RANBP9: variants seen among roughly 807,000 people sequenced by gnomAD.
RANBP9 encodes RAN binding protein 9.
A neutral mutation model predicts 84.3 loss-of-function variants in RANBP9; 15 were observed. The ratio of observed to expected loss-of-function variants is 0.18; its 90% CI spans 0.12 to 0.27. RANBP9 has a LOEUF of 0.27. Among genes scored for constraint, RANBP9 ranks in the 10% least tolerant of loss-of-function variants. The pLI, the probability that RANBP9 is intolerant of heterozygous loss-of-function variation, is 1.00. For synonymous variants in RANBP9, 392 were observed against 349.6 expected (o/e 1.12, Z -1.35); for missense variants, 809 against 912.8 (o/e 0.89, Z 1.46).
At chr6:13,696,714 A>C (rs777642051) in intron 2 of RANBP9, 71 bp downstream of exon 2, 1 of 1,286,446 alleles carries the variant, frequency 7.8e-7, no homozygotes, top group Non-Finnish European at 1.1e-6. Flanking sequence ...CAACTTTCCA[A>C]TTACATCATA....
At chr6:13,663,611 A>G (rs981031789) in intron 2 of RANBP9, among the ~76,000 whole-genome samples, 6 of 152,068 alleles carry the variant, frequency 3.9e-5, no homozygotes, top group Non-Finnish European at 8.8e-5. Flanking sequence ...ACAGGTTATG[A>G]AAAAAGATAC....
intron 10 of RANBP9, 84 bp downstream of exon 10, chr6:13,637,724 T>TTCAA (rs1764973719): frequency 1.5e-6 from 2 of 1,340,862 alleles, no homozygotes; most frequent in East Asian, 5.0e-5. Flanking sequence ...GGTCACATAA[T>TTCAA]TCAAGTTCTT....
intron 12 of RANBP9, 26 bp downstream of exon 12, chr6:13,632,344 A>T (rs1764812147): frequency 1.9e-6 from 3 of 1,602,584 alleles, no homozygotes; most frequent in Admixed American, 1.7e-5. Context: ...ACATATTCAT[A>T]ATTTTTCAAG....
At chr6:13,683,458 A>G (rs1413602318) in intron 2 of RANBP9, among the ~76,000 whole-genome samples, 1 of 152,158 alleles carries the variant, frequency 6.6e-6, no homozygotes, top group Non-Finnish European at 1.5e-5. Context: ...TTCTTCCTGA[A>G]TTTTCAATTA....
chr6:13,661,862 T>C (rs1457672681), intron 2 of RANBP9, among the ~76,000 whole-genome samples: 2 of 152,244 alleles, frequency 1.3e-5, no homozygotes, highest in East Asian at 1.9e-4. Flanking sequence ...AAATGGCAAT[T>C]AGACTGACTT....
At chr6:13,678,605 A>G (rs1765953036) in intron 2 of RANBP9, among the ~76,000 whole-genome samples, 1 of 152,134 alleles carries the variant, frequency 6.6e-6, no homozygotes, top group Non-Finnish European at 1.5e-5. Context: ...CTACAGCTCA[A>G]AGCCTGGAGG....
chr6:13,700,022 C>A (rs558803496), intron 1 of RANBP9, among the ~76,000 whole-genome samples: 9 of 152,256 alleles, frequency 5.9e-5, no homozygotes, highest in Admixed American at 2.0e-4. Context: ...AACCAAAAAA[C>A]AACCTCATAC....
intron 2 of RANBP9, among the ~76,000 whole-genome samples, chr6:13,685,760 T>C (rs1227323003): frequency 6.6e-6 from 1 of 151,910 alleles, no homozygotes; most frequent in East Asian, 1.9e-4. Context: ...AAACCCTGTC[T>C]CTACTGAAAA....
At chr6:13,659,858 T>C (rs1311009458) in intron 2 of RANBP9, among the ~76,000 whole-genome samples, 1 of 152,188 alleles carries the variant, frequency 6.6e-6, no homozygotes, top group Non-Finnish European at 1.5e-5. Context: ...GAGATGCCTA[T>C]AATTGTTAAA....
intron 1 of RANBP9, among the ~76,000 whole-genome samples, chr6:13,705,657 C>G (rs1208200160): frequency 6.6e-6 from 1 of 150,596 alleles, no homozygotes; most frequent in South Asian, 2.1e-4. Context: ...GTCAGGAGAT[C>G]AAGACCATCC....
chr6:13,655,056 G>A (rs1765369182), intron 4 of RANBP9, among the ~76,000 whole-genome samples: 1 of 152,248 alleles, frequency 6.6e-6, no homozygotes, highest in African/African-American at 2.4e-5. Flanking sequence ...CATAGGCCGG[G>A]AGTCAATCCC....
At chr6:13,634,983 C>T (rs1562298532) in intron 10 of RANBP9, among the ~76,000 whole-genome samples, 1 of 152,184 alleles carries the variant, frequency 6.6e-6, no homozygotes, top group African/African-American at 2.4e-5. Context: ...ACAAATACAT[C>T]TCACTCCTGG....
intron 12 of RANBP9, among the ~76,000 whole-genome samples, chr6:13,627,699 C>T (rs1764654855): frequency 6.6e-6 from 1 of 150,406 alleles, no homozygotes; most frequent in Non-Finnish European, 1.5e-5. Context: ...ACTTAATTTA[C>T]CCCACAACCA....
chr6:13,669,915 C>T (rs1209013566), intron 2 of RANBP9, among the ~76,000 whole-genome samples: 1 of 150,838 alleles, frequency 6.6e-6, no homozygotes, highest in Non-Finnish European at 1.5e-5. Context: ...TTTTGACAAG[C>T]AGGAAAAAAC....
chr6:13,665,764 T>A (rs1765630120), intron 2 of RANBP9, among the ~76,000 whole-genome samples: 2 of 152,208 alleles, frequency 1.3e-5, no homozygotes, highest in African/African-American at 4.8e-5. Flanking sequence ...AATTGTGGTA[T>A]ATTCTACTCA....
chr6:13,657,522 A>G (rs1379325544), intron 3 of RANBP9, among the ~76,000 whole-genome samples: 2 of 152,216 alleles, frequency 1.3e-5, no homozygotes, highest in African/African-American at 4.8e-5. Flanking sequence ...ACCCCCTACC[A>G]GAAAAAACAA....
chr6:13,706,943 C>G (rs918069448), intron 1 of RANBP9, among the ~76,000 whole-genome samples: 1 of 148,218 alleles, frequency 6.7e-6, no homozygotes, highest in Non-Finnish European at 1.5e-5. Context: ...CCAGGAGAGG[C>G]TGCAATGAGT....
chr6:13,698,888 C>T (rs1757902819), intron 1 of RANBP9, among the ~76,000 whole-genome samples: 1 of 152,126 alleles, frequency 6.6e-6, no homozygotes, highest in Non-Finnish European at 1.5e-5. Context: ...TCTGAACCCA[C>T]ATGAAGGATT....
chr6:13,632,756 A>G, intron 11 of RANBP9: 1 of 403,620 alleles, frequency 2.5e-6, no homozygotes, highest in Non-Finnish European at 4.4e-6. Flanking sequence ...AGAGGGGACA[A>G]CCTTTCAGTG....
Sources: gnomAD v4.1 joint callset for allele counts (sites outside exome capture counted in the v4.1 genomes callset) on GRCh38, gnomAD v4.1.1 for gene constraint, MANE v1.5 for transcripts, NCBI Gene and HGNC (gene_info 2026-07-23, HGNC 2026-07-21) for gene names.